The following GPC6 variants were observed in gnomAD, a reference collection of about 807,000 sequenced individuals.
GPC6 encodes glypican-6.
Under a neutral mutation model 55.2 loss-of-function variants are expected in GPC6, and 14 were observed. The observed-to-expected ratio is 0.25, with a 90% CI of 0.17 to 0.40. The LOEUF (loss-of-function observed/expected upper bound fraction) is 0.40. GPC6 is among the 10% of genes least tolerant of loss of function. GPC6 has a pLI of 1.00. For synonymous variants in GPC6, 278 were observed against 259.6 expected, an observed-to-expected ratio of 1.07 and a Z score of -0.68; for missense variants, 641 against 708.5, an observed-to-expected ratio of 0.90 and a Z score of 1.08.
intron 3 of GPC6, among the ~76,000 whole-genome samples, chr13:93,831,791 T>C (rs1887506330): frequency 6.6e-6 from 1 of 151,808 alleles, no homozygotes; most frequent in African/African-American, 2.4e-5. Flanking sequence ...ATGATTCTAA[T>C]GTTTAAAATA....
At chr13:93,935,026 C>G (rs1878362301) in intron 3 of GPC6, among the ~76,000 whole-genome samples, 1 of 152,138 alleles carries the variant, frequency 6.6e-6, no homozygotes. Flanking sequence ...TATGGACATA[C>G]TACATTAGTT....
intron 2 of GPC6, among the ~76,000 whole-genome samples, chr13:93,553,305 G>A (rs1438024011): frequency 6.6e-6 from 1 of 151,760 alleles, no homozygotes; most frequent in Non-Finnish European, 1.5e-5. Context: ...TATGCTTTTT[G>A]TATTCTAAGA....
the GPC6 span, among the ~76,000 whole-genome samples, chr13:93,218,986 ATGT>A: frequency 6.6e-6 from 1 of 151,878 alleles, no homozygotes; most frequent in Non-Finnish European, 1.5e-5. Context: ...TACCGGACTG[ATGT>A]TGTTGACTTG....
intron 1 of GPC6, among the ~76,000 whole-genome samples, chr13:93,234,356 C>T (rs570690119): frequency 3.3e-5 from 5 of 152,192 alleles, no homozygotes; most frequent in African/African-American, 9.7e-5. Flanking sequence ...TCCTCCCCCA[C>T]CCCCATCAGT....
chr13:93,989,892 ATGTGTGTG>A (rs1044492131), intron 3 of GPC6, among the ~76,000 whole-genome samples: 201 of 145,002 alleles, frequency 1.4e-3, no homozygotes, highest in Admixed American at 6.1e-3. Flanking sequence ...ATATGTATAT[ATGTGTGTG>A]TGTATATATA....
At chr13:94,075,539 A>G (rs755300728) in intron 4 of GPC6, among the ~76,000 whole-genome samples, 3 of 152,136 alleles carry the variant, frequency 2.0e-5, no homozygotes, top group Non-Finnish European at 4.4e-5. Context: ...GATATATTGT[A>G]CAGCAGCTCT....
chr13:94,107,616 G>A (rs1171408849), intron 4 of GPC6, among the ~76,000 whole-genome samples: 1 of 142,880 alleles, frequency 7.0e-6, no homozygotes, highest in Non-Finnish European at 1.5e-5. Flanking sequence ...TGGGACTCAT[G>A]AGTTCTAGCT....
At chr13:93,661,036 C>G (rs746207030) in intron 2 of GPC6, among the ~76,000 whole-genome samples, 2 of 152,266 alleles carry the variant, frequency 1.3e-5, no homozygotes, top group Non-Finnish European at 2.9e-5. Flanking sequence ...AGCAAGGTAG[C>G]TGAAAAGATT....
intron 4 of GPC6, among the ~76,000 whole-genome samples, chr13:94,067,144 G>T (rs1406339035): frequency 6.6e-6 from 1 of 152,112 alleles, no homozygotes; most frequent in Non-Finnish European, 1.5e-5. Context: ...CTTCTTAATT[G>T]AAAAATACCT....
At chr13:93,664,607 C>CA (rs1881055447) in intron 2 of GPC6, among the ~76,000 whole-genome samples, 1 of 133,452 alleles carries the variant, frequency 7.5e-6, no homozygotes, top group Non-Finnish European at 1.8e-5. Context: ...ACTCTGCACA[C>CA]AAGCCAATTT....
intron 1 of GPC6, among the ~76,000 whole-genome samples, chr13:93,475,059 T>C (rs1879253713): frequency 1.3e-5 from 2 of 152,084 alleles, no homozygotes; most frequent in South Asian, 2.1e-4. Flanking sequence ...GGCCAGACGA[T>C]TGATTCTAGG....
intron 3 of GPC6, among the ~76,000 whole-genome samples, chr13:93,886,233 GT>G (rs1875315621): frequency 6.6e-6 from 1 of 152,046 alleles, no homozygotes; most frequent in South Asian, 2.1e-4. Flanking sequence ...TTTAAAATGT[GT>G]GGTTGGAATA....
chr13:93,313,410 T>C (rs1879139577), intron 1 of GPC6, among the ~76,000 whole-genome samples: 1 of 152,172 alleles, frequency 6.6e-6, no homozygotes, highest in Non-Finnish European at 1.5e-5. Flanking sequence ...GTTTTTCAAC[T>C]GTTAGTTGGA....
intron 1 of GPC6, among the ~76,000 whole-genome samples, chr13:93,469,237 T>G (rs895301045): frequency 6.6e-6 from 1 of 152,224 alleles, no homozygotes; most frequent in Non-Finnish European, 1.5e-5. Flanking sequence ...AAAATTGTAT[T>G]GTATTCAATT....
chr13:94,128,242 G>A (rs183314958), intron 4 of GPC6, among the ~76,000 whole-genome samples: 1 of 152,222 alleles, frequency 6.6e-6, no homozygotes, highest in Admixed American at 6.5e-5. Flanking sequence ...AACTAACTTA[G>A]ATGATGGTCT....
intron 2 of GPC6, among the ~76,000 whole-genome samples, chr13:93,719,730 T>C (rs1011471639): frequency 1.3e-5 from 2 of 152,110 alleles, no homozygotes; most frequent in African/African-American, 4.8e-5. Context: ...TTGTCATAAA[T>C]AGCTCTTATT....
At chr13:94,312,456 T>C (rs1876296239) in intron 6 of GPC6, among the ~76,000 whole-genome samples, 1 of 152,222 alleles carries the variant, frequency 6.6e-6, no homozygotes, top group Admixed American at 6.5e-5. Flanking sequence ...TGGGGCTGTT[T>C]TGGTGCGATT....
chr13:94,127,924 G>A (rs1293530892), intron 4 of GPC6, among the ~76,000 whole-genome samples: 1 of 152,090 alleles, frequency 6.6e-6, no homozygotes, highest in Non-Finnish European at 1.5e-5. Flanking sequence ...GCCAAATTAG[G>A]AATTAGAAGG....
intron 1 of GPC6, among the ~76,000 whole-genome samples, chr13:93,304,043 A>AT (rs1878772684): frequency 6.6e-6 from 1 of 151,620 alleles, no homozygotes; most frequent in African/African-American, 2.4e-5. Context: ...TAATTTTTGT[A>AT]TTTTAGTAGA....
Sources: gnomAD v4.1 joint callset for allele counts (sites outside exome capture counted in the v4.1 genomes callset) on GRCh38, gnomAD v4.1.1 for gene constraint, MANE v1.5 for transcripts, NCBI Gene and HGNC (gene_info 2026-07-23, HGNC 2026-07-21) for gene names.